GABRB3: variants seen among roughly 807,000 people sequenced by gnomAD.
GABRB3 encodes the protein gamma-aminobutyric acid type A receptor subunit beta3.
Under a neutral mutation model 52.1 loss-of-function variants are expected in GABRB3, and 14 were observed. The ratio of observed to expected loss-of-function variants is 0.27; its 90% CI spans 0.18 to 0.42. The LOEUF is 0.42. GABRB3 is among the 10% of genes least tolerant of loss of function. The pLI is 1.00. For missense variants in GABRB3, 307 were observed against 609.1 expected (o/e 0.50, Z 5.22); for synonymous variants, 260 against 232.3 (o/e 1.12, Z -1.08).
chr15:26,759,286 G>A (rs761982667), intron 3 of GABRB3, among the ~76,000 whole-genome samples: 3 of 151,998 alleles, frequency 2.0e-5, no homozygotes, highest in African/African-American at 4.8e-5. Context: ...ATGGAGTCTC[G>A]CTCTGTAGCC....
intron 3 of GABRB3, among the ~76,000 whole-genome samples, chr15:26,752,100 T>C (rs1890526738): frequency 6.6e-6 from 1 of 152,152 alleles, no homozygotes; most frequent in South Asian, 2.1e-4. Context: ...GCACACCTTC[T>C]TTCTGTCTTT....
At chr15:26,554,203 A>ATTTATT (rs1240533785) in intron 8 of GABRB3, among the ~76,000 whole-genome samples, 2 of 45,786 alleles carry the variant, frequency 4.4e-5, no homozygotes, top group Non-Finnish European at 1.2e-4. Context: ...ATATATATAT[A>ATTTATT]TATATAGTAG....
intron 3 of GABRB3, among the ~76,000 whole-genome samples, chr15:26,766,470 T>C (rs57083856): frequency 0.023 from 3,549 of 152,328 alleles, 130 homozygotes; most frequent in African/African-American, 0.082. Flanking sequence ...TGTTCCTGCA[T>C]GCATTTCATT....
At chr15:26,718,968 C>T (rs1426947277) in intron 3 of GABRB3, among the ~76,000 whole-genome samples, 1 of 152,256 alleles carries the variant, frequency 6.6e-6, no homozygotes, top group Non-Finnish European at 1.5e-5. Context: ...CAAGCTCTTC[C>T]TCTGCTGCAA....
rs551670018 is a variant in GABRB3 at position 26,618,715 on chromosome 15, T to A, written c.461+2599A>T. On this transcript the variant is annotated intron_variant, in intron 4 of 8. Transcript: ENST00000311550. ...TTCTGCATAGCAAAAGAAACTACCA[T>A]CAGAGTGAACAGGCAACCTACAAAA... is the stretch of plus-strand genomic sequence containing the variant. Among the ~76,000 whole-genome samples the A allele has an allele frequency of 5.9e-3, 891 of 151,996 alleles. 7 individuals carry two copies. The highest frequency in any genetic ancestry group is 0.021 in the African/African-American group (855 of 41,448).
chr15:26,726,238 T>A (rs1889767929), intron 3 of GABRB3, among the ~76,000 whole-genome samples: 1 of 152,204 alleles, frequency 6.6e-6, no homozygotes, highest in East Asian at 1.9e-4. Flanking sequence ...ATGTTTCAGA[T>A]TTTGGAACAT....
chr15:26,740,538 C>T (rs1406199830), intron 3 of GABRB3, among the ~76,000 whole-genome samples: 1 of 152,044 alleles, frequency 6.6e-6, no homozygotes, highest in Non-Finnish European at 1.5e-5. Flanking sequence ...GCACCTGGTC[C>T]ACTCACTGGG....
chr15:26,655,741 C>CA (rs79202855), intron 3 of GABRB3, among the ~76,000 whole-genome samples: 698 of 80,858 alleles, frequency 8.6e-3, no homozygotes, highest in Non-Finnish European at 8.6e-3. Flanking sequence ...GACTCTGTCT[C>CA]AAAAAAAAAA....
At chr15:26,686,880 C>G (rs1888424092) in intron 3 of GABRB3, among the ~76,000 whole-genome samples, 5 of 152,244 alleles carry the variant, frequency 3.3e-5, no homozygotes, top group African/African-American at 9.6e-5. Flanking sequence ...TGATGGTTCT[C>G]CACAAAATGG....
At position 26,588,768 on chromosome 15, in the gene GABRB3, C is replaced by T. The variant is rs139606221; in HGVS notation, c.462-5354G>A. On this transcript the variant is annotated intron_variant, in intron 4 of 8. Coordinates refer to ENST00000311550, the MANE Select transcript of GABRB3 (RefSeq NM_000814.6). ...AAATTGGAAATATAATGAGTAAATG[C>T]CGAAAATAAATATTCTACATGCTAT... 1.4e-3 allele frequency among the ~76,000 whole-genome samples: 218 copies of T among 152,166 alleles called. 1 individual carries two copies. Among genetic ancestry groups the T allele is most frequent in the African/African-American group, 5.0e-3 (209 of 41,508 alleles).
upstream of GABRB3, chr15:26,773,572 G>T: frequency 7.9e-7 from 1 of 1,259,634 alleles, no homozygotes; most frequent in Non-Finnish European, 1.1e-6. Context: ...CGGGTGCCGC[G>T]CCTCTGCCCG....
chr15:26,735,008 G>C (rs1323716230), intron 3 of GABRB3, among the ~76,000 whole-genome samples: 2 of 152,162 alleles, frequency 1.3e-5, no homozygotes, highest in Non-Finnish European at 2.9e-5. Context: ...ATAAAGGATT[G>C]ATATCCAGAA....
At chr15:26,549,196 T>C (rs1889368181) in intron 8 of GABRB3, among the ~76,000 whole-genome samples, 1 of 152,238 alleles carries the variant, frequency 6.6e-6, no homozygotes, top group Admixed American at 6.5e-5. Flanking sequence ...CGTATTAATT[T>C]GTGTCTTCCC....
intron 3 of GABRB3, among the ~76,000 whole-genome samples, chr15:26,677,767 A>G (rs1888114211): frequency 6.6e-6 from 1 of 152,298 alleles, no homozygotes; most frequent in South Asian, 2.1e-4. Context: ...AAATGCTTTA[A>G]TAGTTTGGGC....
intron 3 of GABRB3, among the ~76,000 whole-genome samples, chr15:26,742,357 C>T: frequency 6.9e-6 from 1 of 143,912 alleles, no homozygotes; most frequent in Admixed American, 7.4e-5. Flanking sequence ...CTCTGTTCTT[C>T]TTTAGTTTCT....
At chr15:26,659,658 G>A (rs1310632679) in intron 3 of GABRB3, among the ~76,000 whole-genome samples, 1 of 152,176 alleles carries the variant, frequency 6.6e-6, no homozygotes, top group African/African-American at 2.4e-5. Flanking sequence ...GGTTCACCTG[G>A]TAGTCTGAAT....
chr15:26,741,549 G>A (rs988669581), intron 3 of GABRB3, among the ~76,000 whole-genome samples: 2 of 152,046 alleles, frequency 1.3e-5, no homozygotes, highest in African/African-American at 4.8e-5. Flanking sequence ...TCCATCCTAC[G>A]TATGCTGGTT....
At chr15:26,714,812 T>C (rs1428197399) in intron 3 of GABRB3, among the ~76,000 whole-genome samples, 3 of 152,108 alleles carry the variant, frequency 2.0e-5, no homozygotes, top group Non-Finnish European at 4.4e-5. Context: ...TTATTAAAGG[T>C]GCATAGGAAA....
At chr15:26,735,946 C>G (rs375093621) in intron 3 of GABRB3, among the ~76,000 whole-genome samples, 1 of 149,076 alleles carries the variant, frequency 6.7e-6, no homozygotes, top group African/African-American at 2.5e-5. Context: ...CAGAGAGAGA[C>G]CTTGTCTTCA....
Sources: allele counts gnomAD v4.1 joint callset (sites outside exome capture counted in the v4.1 genomes callset), GRCh38; gene constraint gnomAD v4.1.1; transcripts MANE v1.5; gene names NCBI Gene and HGNC (gene_info 2026-07-23, HGNC 2026-07-21).